C8orf34: variants seen among roughly 807,000 people sequenced by gnomAD.
C8orf34 encodes chromosome 8 open reading frame 34.
A neutral mutation model predicts 68.3 loss-of-function variants in C8orf34; 65 were observed. The observed-to-expected ratio is 0.95, with a 90% CI of 0.78 to 1.17. C8orf34 has a LOEUF of 1.17. C8orf34 is among the 50% of genes most tolerant of loss of function. C8orf34 has a pLI of 0.00. For synonymous variants in C8orf34, 244 were observed against 241.2 expected, an observed-to-expected ratio of 1.01 and a Z score of -0.11; for missense variants, 664 against 655.4, an observed-to-expected ratio of 1.01 and a Z score of -0.14.
chr8:68,533,072 T>C lies in C8orf34; in HGVS notation c.1028T>C (p.Phe343Ser). ...LLAAMLSQDSFESIHSPTPSV... is the reference protein window; with the variant it reads ...LLAAMLSQDSSESIHSPTPSV... ...GCCGCAATGCTCTCTCAAGATTCTT[T>C]TGAGTCCATCCACAGCCCTACCCCA... Residue 343 changes from phenylalanine to serine, a missense_variant, in exon 7 of 14, where the codon TTT (phenylalanine) becomes TCT (serine). Coordinates refer to ENST00000518698, the MANE Select transcript of C8orf34 (RefSeq NM_052958.4). 1.2e-6 allele frequency: 2 copies of C among 1,613,432 alleles called. No homozygotes were observed. Among genetic ancestry groups the C allele is most frequent in the Middle Eastern group, 1.7e-4 (1 of 6,060 alleles).
chr8:68,368,072 G>C (rs1274644351), intron 1 of C8orf34, among the ~76,000 whole-genome samples: 1 of 152,086 alleles, frequency 6.6e-6, no homozygotes, highest in Non-Finnish European at 1.5e-5. Context: ...GTATTTAAAA[G>C]TGTGATGTTG....
intron 5 of C8orf34, among the ~76,000 whole-genome samples, chr8:68,495,216 G>A (rs1813475754): frequency 6.6e-6 from 1 of 151,384 alleles, no homozygotes; most frequent in Non-Finnish European, 1.5e-5. Context: ...CTTATTACAT[G>A]TTGAGTGGTA....
chr8:68,431,522 C>A (rs1270855575), intron 1 of C8orf34, among the ~76,000 whole-genome samples: 2 of 152,148 alleles, frequency 1.3e-5, no homozygotes, highest in Non-Finnish European at 2.9e-5. Context: ...CTTCCATAGA[C>A]TATTAGTTGA....
At chr8:68,502,770 A>C (rs1267275239) in intron 5 of C8orf34, among the ~76,000 whole-genome samples, 1 of 152,252 alleles carries the variant, frequency 6.6e-6, no homozygotes, top group Non-Finnish European at 1.5e-5. Context: ...ATGGTAGTAC[A>C]TTAATGGATC....
At chr8:68,803,198 GA>G (rs1178365589) in intron 12 of C8orf34, among the ~76,000 whole-genome samples, 10 of 151,912 alleles carry the variant, frequency 6.6e-5, no homozygotes, top group African/African-American at 1.7e-4. Context: ...TTATAAGAAA[GA>G]AAAACTTTTT....
intron 7 of C8orf34, among the ~76,000 whole-genome samples, chr8:68,589,800 T>TAAGGAAGGAGGAGAGAGAAGGGAAG (rs1817326803): frequency 1.0e-5 from 1 of 97,306 alleles, no homozygotes; most frequent in African/African-American, 4.5e-5. Flanking sequence ...GAGAAGGGAA[T>TAAGGAAGGAGGAGAGAGAAGGGAAG]CAGGAAGGAG....
chr8:68,797,258 T>C, intron 12 of C8orf34, among the ~76,000 whole-genome samples: 1 of 152,172 alleles, frequency 6.6e-6, no homozygotes, highest in South Asian at 2.1e-4. Context: ...ATCATCTCAG[T>C]CTTAATTCTC....
chr8:68,490,152 A>G (rs1054106676), intron 5 of C8orf34, among the ~76,000 whole-genome samples: 2 of 152,182 alleles, frequency 1.3e-5, no homozygotes, highest in African/African-American at 4.8e-5. Flanking sequence ...CAGAAATGTA[A>G]TAATTCCTCC....
intron 10 of C8orf34, among the ~76,000 whole-genome samples, chr8:68,736,594 A>G (rs1360032613): frequency 6.6e-6 from 1 of 152,126 alleles, no homozygotes; most frequent in East Asian, 1.9e-4. Context: ...TCAATATAAT[A>G]CAATAAAATG....
At chr8:68,511,447 G>A (rs1444791639) in intron 5 of C8orf34, among the ~76,000 whole-genome samples, 3 of 152,126 alleles carry the variant, frequency 2.0e-5, no homozygotes, top group Non-Finnish European at 4.4e-5. Context: ...TTGGCGGGAA[G>A]GACAGTTACA....
chr8:68,777,976 T>G (rs1419723484), intron 11 of C8orf34, among the ~76,000 whole-genome samples: 2 of 152,192 alleles, frequency 1.3e-5, no homozygotes, highest in East Asian at 1.9e-4. Context: ...AGTACTTTCA[T>G]TTATTATTGA....
chr8:68,417,048 A>C (rs1809702817), intron 1 of C8orf34, among the ~76,000 whole-genome samples: 1 of 152,164 alleles, frequency 6.6e-6, no homozygotes, highest in Non-Finnish European at 1.5e-5. Context: ...CTTGATAAAA[A>C]TGACCCATGA....
At chr8:68,709,762 T>C (rs1821278821) in intron 9 of C8orf34, among the ~76,000 whole-genome samples, 1 of 152,150 alleles carries the variant, frequency 6.6e-6, no homozygotes, top group Non-Finnish European at 1.5e-5. Context: ...CCATTTTCTA[T>C]AGTATAAAAT....
intron 5 of C8orf34, among the ~76,000 whole-genome samples, chr8:68,514,267 C>T (rs2129633580): frequency 6.6e-6 from 1 of 152,228 alleles, no homozygotes; most frequent in East Asian, 1.9e-4. Flanking sequence ...CTCCCTGCTG[C>T]AAATGTTGTG....
At chr8:68,476,654 C>G (rs1271607646) in intron 4 of C8orf34, among the ~76,000 whole-genome samples, 1 of 152,100 alleles carries the variant, frequency 6.6e-6, no homozygotes. Context: ...AGATGTCATA[C>G]ATATTCAGTA....
At chr8:68,644,523 T>C (rs1487785365) in intron 8 of C8orf34, among the ~76,000 whole-genome samples, 2 of 152,146 alleles carry the variant, frequency 1.3e-5, no homozygotes, top group African/African-American at 4.8e-5. Context: ...TCTAGTGCCT[T>C]CAGCTCAAAG....
At chr8:68,758,459 A>C (rs527743992) in intron 10 of C8orf34, among the ~76,000 whole-genome samples, 61 of 152,298 alleles carry the variant, frequency 4.0e-4, no homozygotes, top group African/African-American at 1.4e-3. Flanking sequence ...CTTAGTCTGC[A>C]GTGGTCTTGG....
At chr8:68,635,754 G>A (rs1170520852) in intron 7 of C8orf34, among the ~76,000 whole-genome samples, 2 of 152,142 alleles carry the variant, frequency 1.3e-5, no homozygotes, top group African/African-American at 4.8e-5. Flanking sequence ...ATGCCTTTGA[G>A]CAACTATAAA....
chr8:68,357,117 G>A (rs953040825), intron 1 of C8orf34, among the ~76,000 whole-genome samples: 21 of 151,722 alleles, frequency 1.4e-4, no homozygotes, highest in African/African-American at 3.4e-4. Flanking sequence ...TTTTTTTCCT[G>A]TTATATGTTT....
Sources: gnomAD v4.1 joint callset for allele counts (sites outside exome capture counted in the v4.1 genomes callset) on GRCh38, gnomAD v4.1.1 for gene constraint, MANE v1.5 for transcripts, NCBI Gene and HGNC (gene_info 2026-07-23, HGNC 2026-07-21) for gene names.